Variants in DACT3 observed in about 807,000 individuals in gnomAD.
DACT3 encodes the protein dapper homolog 3.
In DACT3, 5 loss-of-function variants were observed where a neutral mutation model predicts 19.6. That is an observed-to-expected ratio of 0.26 (90% CI 0.13 to 0.54). DACT3 has a LOEUF of 0.54. Ranked by LOEUF, DACT3 falls within the 20% of genes least tolerant of loss-of-function variation. The pLI is 0.95. For missense variants in DACT3, 908 were observed against 927.4 expected (o/e 0.98, Z 0.27); for synonymous variants, 454 against 428.1 (o/e 1.06, Z -0.75).
At position 46,649,145 on chromosome 19, in the gene DACT3, A is replaced by G; in HGVS notation, c.1227T>C (p.Ala409=). 1 of 1,255,548 alleles carries G rather than the reference A, an allele frequency of 8.0e-7. No individual in the cohort carries two copies. Among genetic ancestry groups the G allele is most frequent in the South Asian group, 2.6e-5 (1 of 38,680 alleles). 77.8% of individuals were successfully genotyped at this position (1,255,548 alleles called of 1,614,324 possible). A position where few individuals can be genotyped will look rare whatever the true frequency, so the allele number is the denominator to read the frequency against. Reference sequence around the variant, plus strand: ...CCCTGGGCGAGCCGCGGCGGCCCGAAGCCTCGGCCATGCGTCCACGGCGGC... The same window carrying G: ...CCCTGGGCGAGCCGCGGCGGCCCGAGGCCTCGGCCATGCGTCCACGGCGGC... ...AAGRRGRMAE[A]SGRRGSPRAR... is the part of the protein sequence containing the mutation. Residue 409 remains alanine, a synonymous_variant, in exon 4 of 4, where the codon GCT becomes GCC. Coordinates refer to ENST00000391916, the MANE Select transcript of DACT3 (RefSeq NM_145056.3).
chr19:46,652,377 G>T (rs1223095362), intron 3 of DACT3: 1 of 452,860 alleles, frequency 2.2e-6, no homozygotes, highest in African/African-American at 2.0e-5. Context: ...TATAGACGGG[G>T]TTTCACTATG....
Position 46,649,863 on chromosome 19 carries a change from C to G in DACT3, c.509G>C (p.Ser170Thr), listed in dbSNP as rs948617381. ...SERPKSLGDA[S>T]PSAPEVVGAR... ...GCCCACCACCTCCGGAGCGCTGGGA[C>G]TGGCGTCTCCTAGGGAAGGAAGGCC... The change falls in exon 4 of 4, where the codon AGT becomes ACT. Residue 170 changes from serine (S) to threonine (T), a missense_variant. Physicochemically the swap from Ser to Thr is moderately conservative, Grantham distance 58. This residue lies in a region of DACT3 where 252 missense variants were observed against 325.6 expected (regional missense o/e 0.77). Transcript: ENST00000391916. The G allele has an allele frequency of 5.7e-6, 8 of 1,391,646 alleles. No homozygotes were observed. The African/African-American group carries it at 1.1e-4, about 19-fold the overall frequency. The allele number at this position is 1,391,646 out of a possible 1,614,324, so 86.2% of individuals were successfully genotyped here.
At position 46,652,642 on chromosome 19, in the gene DACT3, C is replaced by T. The variant is rs1450923220; in HGVS notation, c.499+18G>A. 5 of 1,549,248 alleles carry T rather than the reference C, an allele frequency of 3.2e-6. No homozygotes were observed. In the African/African-American group the frequency reaches 6.8e-5, roughly 21 times the overall value. ...TGTCCTTTCCCTGGCCCCAGGGCCC[C>T]ACCCTCACCCACCTTACCTAGGGAC... On this transcript the variant is annotated intron_variant, in intron 3 of 3. Transcript: ENST00000391916.
intron 1 of DACT3, among the ~76,000 whole-genome samples, chr19:46,658,903 G>A (rs1346127147): frequency 1.3e-5 from 2 of 152,036 alleles, no homozygotes; most frequent in Admixed American, 6.6e-5. Context: ...AGGACCCAGG[G>A]AGCCCCTGCC....
In DACT3 at chr19:46,648,619, C is replaced by G; in HGVS notation, c.1753G>C (p.Ala585Pro). ...WPQQLVAATA[A>P]SGGGAGAGAP... ...CCTGCACCTGCTCCACCCCCAGAGG[C>G]CGCGGTGGCCGCCACCAGCTGCTGC... The change falls in exon 4 of 4, where the codon GCC (alanine) becomes CCC (proline). Residue 585 changes from alanine (A) to proline (P), a missense_variant. By Grantham distance (27) the Ala-to-Pro change is conservative. Transcript: ENST00000391916. This position sits in a 1 kb window ranked among gnomAD's most constrained non-coding sequence, Gnocchi z 5.1. 1.2e-6 allele frequency: 2 copies of G among 1,612,832 alleles called. No individual in the cohort carries two copies. Among genetic ancestry groups the G allele is most frequent in the Non-Finnish European group, 8.5e-7 (1 of 1,179,582 alleles).
chr19:46,649,054 C>T lies in DACT3; in HGVS notation c.1318G>A (p.Gly440Arg). Reference protein sequence around the residue: ...LLGRASAVPSGPPKYPTAERE... With the variant: ...LLGRASAVPSRPPKYPTAERE... ...TCCGCCGTGGGGTACTTAGGGGGCC[C>T]CGAAGGGACCGCGGAGGCGCGGCCC... The change falls in exon 4 of 4, where the codon GGG becomes AGG. Residue 440 changes from glycine (G) to arginine (R), a missense_variant. This residue lies in a region of DACT3 where 656 missense variants were observed against 601.8 expected (regional missense o/e 1.09). Transcript: ENST00000391916. 1.6e-6 allele frequency: 2 copies of T among 1,287,644 alleles called. No homozygotes were observed. The highest frequency in any genetic ancestry group is 2.0e-6 in the Non-Finnish European group (2 of 1,020,068). 79.8% of individuals were successfully genotyped at this position (1,287,644 alleles called of 1,614,324 possible). A position where few individuals can be genotyped will look rare whatever the true frequency, so the allele number is the denominator to read the frequency against.
At chr19:46,652,305 C>A in intron 3 of DACT3, 1 of 308,852 alleles carries the variant, frequency 3.2e-6, no homozygotes, top group Non-Finnish European at 5.9e-6. Context: ...GCGATCCTCC[C>A]ACCTCAGCCT....
chr19:46,654,534 G>A (rs1312361786), intron 1 of DACT3: 2 of 981,416 alleles, frequency 2.0e-6, no homozygotes, highest in East Asian at 2.3e-4. Context: ...GTCTACCCTG[G>A]ATCCTTCTTG....
chr19:46,649,082 C>A lies in DACT3; in HGVS notation c.1290G>T (p.Leu430=). The change falls in exon 4 of 4, where the codon CTG becomes CTT. Residue 430 remains leucine (L), a synonymous_variant. Transcript: ENST00000391916. Reference sequence around the variant, plus strand: ...AAGGGACCGCGGAGGCGCGGCCCAGCAGGCTGGTCTCAGACTGGGAGCGCG... The same window carrying A: ...AAGGGACCGCGGAGGCGCGGCCCAGAAGGCTGGTCTCAGACTGGGAGCGCG... ...KASRSQSETS[L]LGRASAVPSG... 7.7e-7 allele frequency: 1 copy of A among 1,295,124 alleles called. No homozygotes were observed. The highest frequency in any genetic ancestry group is 2.1e-5 in the South Asian group (1 of 46,772). 80.2% of individuals were successfully genotyped at this position (1,295,124 alleles called of 1,614,324 possible). A position where few individuals can be genotyped will look rare whatever the true frequency, so the allele number is the denominator to read the frequency against.
intron 1 of DACT3, among the ~76,000 whole-genome samples, chr19:46,653,307 A>G (rs2053004659): frequency 6.6e-6 from 1 of 151,430 alleles, no homozygotes; most frequent in African/African-American, 2.4e-5. Context: ...GCCCCATCTC[A>G]TTCCCTCTTA....
chr19:46,650,003 C>T (rs2052967079), intron 3 of DACT3, 131 bp from the exon 4 acceptor site: 1 of 1,036,834 alleles, frequency 9.6e-7, no homozygotes, highest in Non-Finnish European at 1.2e-6. Context: ...CAGCAAAAAC[C>T]CTGCTCTCAC....
At chr19:46,656,872 T>C (rs956020315) in intron 1 of DACT3, among the ~76,000 whole-genome samples, 3 of 152,156 alleles carry the variant, frequency 2.0e-5, no homozygotes, top group Admixed American at 6.6e-5. Flanking sequence ...CCCAGAGCTT[T>C]TGATTACAGC....
In DACT3 at chr19:46,652,655, C is replaced by T; in HGVS notation, c.499+5G>A. On this transcript the variant is annotated splice_donor_5th_base_variant and intron_variant, in intron 3 of 3. Coordinates refer to ENST00000391916, the MANE Select transcript of DACT3 (RefSeq NM_145056.3). ...GCCCCAGGGCCCCACCCTCACCCAC[C>T]TTACCTAGGGACTTGGGCCTCTCAC... The T allele has an allele frequency of 6.4e-7, 1 of 1,550,634 alleles. No homozygotes were observed. The highest frequency in any genetic ancestry group is 1.2e-5 in the South Asian group (1 of 84,030).
At position 46,648,302 on chromosome 19, in the gene DACT3, T is replaced by C; in HGVS notation, c.*180A>G. On this transcript the variant is annotated 3_prime_UTR_variant, in exon 4 of 4. Transcript: ENST00000391916. The surrounding 1 kb of genome is among the most constrained non-coding windows in gnomAD (Gnocchi z 5.1). The stretch of plus-strand genomic sequence containing the variant: ...CTGGGTCAAACAGGGCTCCTCCCCA[T>C]TCCTCTCGGTGGTGGTGGGGGAGCC... 9.6e-7 allele frequency: 1 copy of C among 1,045,874 alleles called. No individual in the cohort carries two copies. The highest frequency in any genetic ancestry group is 1.4e-6 in the Non-Finnish European group (1 of 724,676). The allele number at this position is 1,045,874 out of a possible 1,614,324, so 64.8% of individuals were successfully genotyped here.
At chr19:46,651,540 T>G (rs1048521234) in intron 3 of DACT3, 1 of 152,216 alleles carries the variant, frequency 6.6e-6, no homozygotes, top group Non-Finnish European at 1.5e-5. Flanking sequence ...TATGAATGAA[T>G]GACAGCAGTT....
intron 1 of DACT3, chr19:46,659,462 C>T (rs2053057874): frequency 1.0e-6 from 1 of 984,642 alleles, no homozygotes; most frequent in Non-Finnish European, 1.2e-6. Flanking sequence ...ATGGAAGGCG[C>T]CTTCCAAGCC....
chr19:46,657,654 A>G (rs1174736146), intron 1 of DACT3, among the ~76,000 whole-genome samples: 3 of 150,608 alleles, frequency 2.0e-5, no homozygotes, highest in Non-Finnish European at 4.4e-5. Flanking sequence ...CGCCCGGCCA[A>G]TGAGTTTCTT....
At position 46,660,753 on chromosome 19, in the gene DACT3, A is replaced by C; in HGVS notation, c.249+63T>G. On this transcript the variant is annotated intron_variant, in intron 1 of 3. Transcript: ENST00000391916. The surrounding 1 kb of genome is among the most constrained non-coding windows in gnomAD (Gnocchi z 4.9). Reference sequence around the variant, plus strand: ...CCCAACCCCCGCCCGGTGTCTGAGCATCCAACCGAGACAGACAGACACAGA... The same window carrying C: ...CCCAACCCCCGCCCGGTGTCTGAGCCTCCAACCGAGACAGACAGACACAGA... 7.1e-7 allele frequency: 1 copy of C among 1,408,032 alleles called. No individual in the cohort carries two copies. Among genetic ancestry groups the C allele is most frequent in the African/African-American group, 1.5e-5 (1 of 66,466 alleles). 87.2% of individuals were successfully genotyped at this position (1,408,032 alleles called of 1,614,324 possible). A position where few individuals can be genotyped will look rare whatever the true frequency, so the allele number is the denominator to read the frequency against.
intron 1 of DACT3, chr19:46,659,395 G>C (rs1183435097): frequency 2.0e-5 from 20 of 977,680 alleles, no homozygotes; most frequent in Non-Finnish European, 2.3e-5. Context: ...CAGAGGGGGA[G>C]AGGACACAGC....
Sources: gnomAD v4.1 joint callset for allele counts (sites outside exome capture counted in the v4.1 genomes callset) on GRCh38, gnomAD v4.1.1 for gene constraint, gnomAD v4.1.1 regional missense constraint, Gnocchi (gnomAD v3.1) non-coding constraint, MANE v1.5 for transcripts, NCBI Gene and HGNC (gene_info 2026-07-23, HGNC 2026-07-21) for gene names.